Variants in CDH18 observed in about 807,000 individuals in gnomAD.
CDH18 encodes the protein cadherin 18, also known as cadherin-18.
Under a neutral mutation model 67.9 loss-of-function variants are expected in CDH18, and 31 were observed. The ratio of observed to expected loss-of-function variants is 0.46; its 90% CI spans 0.34 to 0.62. CDH18 has a LOEUF of 0.62. Among genes scored for constraint, CDH18 ranks in the 20% least tolerant of loss-of-function variants. The pLI is 0.01. For synonymous variants in CDH18, 362 were observed against 347.2 expected (o/e 1.04, Z -0.48); for missense variants, 890 against 975.5 (o/e 0.91, Z 1.17).
intron 2 of CDH18, among the ~76,000 whole-genome samples, chr5:19,898,384 A>T (rs1216070237): frequency 1.3e-5 from 2 of 151,962 alleles, no homozygotes; most frequent in Non-Finnish European, 2.9e-5. Flanking sequence ...CATGTCTTCT[A>T]ATTGGTTAAT....
intron 1 of CDH18, among the ~76,000 whole-genome samples, chr5:20,509,783 A>C (rs1449672508): frequency 2.6e-5 from 4 of 152,096 alleles, no homozygotes; most frequent in Non-Finnish European, 5.9e-5. Context: ...TTATTTATCC[A>C]ATCATCTATG....
intron 2 of CDH18, among the ~76,000 whole-genome samples, chr5:19,910,996 C>G (rs1561544614): frequency 6.6e-6 from 1 of 152,038 alleles, no homozygotes; most frequent in Non-Finnish European, 1.5e-5. Context: ...AGTAAGCAGA[C>G]TGGAGGTAGG....
intron 3 of CDH18, among the ~76,000 whole-genome samples, chr5:19,795,941 C>T (rs1292118968): frequency 6.6e-6 from 1 of 151,946 alleles, no homozygotes; most frequent in Non-Finnish European, 1.5e-5. Flanking sequence ...AACAAAATAA[C>T]AGGAATGAAA....
At chr5:19,627,258 T>C (rs1380840659) in intron 5 of CDH18, among the ~76,000 whole-genome samples, 2 of 152,154 alleles carry the variant, frequency 1.3e-5, no homozygotes, top group South Asian at 2.1e-4. Flanking sequence ...ATTGAAGAAA[T>C]AGTATCCTAA....
At chr5:20,192,181 C>T (rs1738596453) in intron 2 of CDH18, among the ~76,000 whole-genome samples, 1 of 150,672 alleles carries the variant, frequency 6.6e-6, no homozygotes, top group Non-Finnish European at 1.5e-5. Context: ...TTGTTCATAT[C>T]CTTTTCCCAC....
chr5:20,572,058 T>C (rs1758848536), intron 1 of CDH18, among the ~76,000 whole-genome samples: 1 of 152,124 alleles, frequency 6.6e-6, no homozygotes, highest in South Asian at 2.1e-4. Context: ...GGAAATACCC[T>C]TTCTTCCCGT....
intron 8 of CDH18, among the ~76,000 whole-genome samples, chr5:19,557,686 A>T (rs1738682970): frequency 6.8e-6 from 1 of 147,046 alleles, no homozygotes; most frequent in African/African-American, 2.7e-5. Context: ...ACAGCAACAC[A>T]GCAATAGTGG....
chr5:20,264,441 TATTTA>T (rs1744883670), intron 1 of CDH18, among the ~76,000 whole-genome samples: 3 of 152,126 alleles, frequency 2.0e-5, no homozygotes, highest in African/African-American at 4.8e-5. Context: ...AATATGAAAA[TATTTA>T]ATTTAATAGC....
At chr5:19,708,315 C>T (rs1445450130) in intron 5 of CDH18, among the ~76,000 whole-genome samples, 1 of 152,132 alleles carries the variant, frequency 6.6e-6, no homozygotes. Flanking sequence ...CACCTGGAGG[C>T]TCTGTGATTT....
intron 2 of CDH18, among the ~76,000 whole-genome samples, chr5:20,240,720 T>C (rs1295646113): frequency 1.3e-5 from 2 of 152,214 alleles, no homozygotes; most frequent in Non-Finnish European, 1.5e-5. Context: ...CTTTCTTACA[T>C]AGCTAGACGC....
intron 2 of CDH18, among the ~76,000 whole-genome samples, chr5:19,917,646 A>G (rs1419180008): frequency 2.6e-5 from 4 of 152,154 alleles, no homozygotes; most frequent in Non-Finnish European, 5.9e-5. Flanking sequence ...TCATGGGTCA[A>G]CCAGAGCTAA....
At chr5:19,976,599 G>A (rs1021165107) in intron 2 of CDH18, among the ~76,000 whole-genome samples, 1 of 152,092 alleles carries the variant, frequency 6.6e-6, no homozygotes, top group Non-Finnish European at 1.5e-5. Context: ...AAGGTAGATG[G>A]TCTCTGAAAA....
intron 1 of CDH18, among the ~76,000 whole-genome samples, chr5:20,412,785 C>T (rs185860971): frequency 2.9e-4 from 44 of 152,234 alleles, no homozygotes; most frequent in African/African-American, 9.6e-4. Flanking sequence ...CAATGAGATA[C>T]CATCTCACAT....
chr5:19,584,957 T>TGGGTGAC (rs1339840218), intron 7 of CDH18, among the ~76,000 whole-genome samples: 1 of 150,402 alleles, frequency 6.6e-6, no homozygotes, highest in East Asian at 2.0e-4. Flanking sequence ...ATCGCACCAC[T>TGGGTGAC]GCACTCCAGC....
rs70954640 is a variant in CDH18, at chr5:20,172,190, GTATATATATATATA to G, written c.-518+83240_-518+83253del. The stretch of plus-strand genomic sequence containing the variant: ...AACTTTGATATCAATAGCATTGTGT[GTATATATATATATA>G]TATATATATATATATATATGTATAT... On this transcript the variant is annotated intron_variant, in intron 2 of 14. Transcript: ENST00000507958. Among the ~76,000 whole-genome samples the G allele has an allele frequency of 8.1e-4, 19 of 23,318 alleles. 4 individuals carry two copies. Among genetic ancestry groups the G allele is most frequent in the African/African-American group, 3.2e-4 (2 of 6,312 alleles). The allele number at this position is 23,318 out of a possible 152,430, so 15.3% of individuals were successfully genotyped here.
At chr5:19,823,824 G>T (rs1202696144) in intron 3 of CDH18, among the ~76,000 whole-genome samples, 1 of 152,084 alleles carries the variant, frequency 6.6e-6, no homozygotes, top group Non-Finnish European at 1.5e-5. Context: ...CCACATGCTT[G>T]GTCATAAAGC....
chr5:20,549,821 T>C (rs1444548075), intron 1 of CDH18, among the ~76,000 whole-genome samples: 2 of 152,126 alleles, frequency 1.3e-5, no homozygotes. Flanking sequence ...TGGGGACATA[T>C]AAAAATGTGC....
intron 3 of CDH18, among the ~76,000 whole-genome samples, chr5:19,775,993 G>A (rs1774316933): frequency 6.6e-6 from 1 of 152,050 alleles, no homozygotes; most frequent in African/African-American, 2.4e-5. Flanking sequence ...CAACAAAAAT[G>A]CAGATGTACA....
chr5:19,649,591 CT>C (rs1299079064), intron 5 of CDH18, among the ~76,000 whole-genome samples: 1 of 151,984 alleles, frequency 6.6e-6, no homozygotes, highest in African/African-American at 2.4e-5. Flanking sequence ...TTCACAACTA[CT>C]AATACCTGCA....
Sources: gnomAD v4.1 joint callset for allele counts (sites outside exome capture counted in the v4.1 genomes callset) on GRCh38, gnomAD v4.1.1 for gene constraint, MANE v1.5 for transcripts, NCBI Gene and HGNC (gene_info 2026-07-23, HGNC 2026-07-21) for gene names.